The following WDPCP variants were observed in gnomAD, a reference collection of about 807,000 sequenced individuals.
WDPCP encodes WD repeat-containing and planar cell polarity effector protein fritz homolog.
A neutral mutation model predicts 93.1 loss-of-function variants in WDPCP; 71 were observed. The observed-to-expected ratio is 0.76, with a 90% CI of 0.63 to 0.93. The LOEUF (loss-of-function observed/expected upper bound fraction) is 0.93. WDPCP is among the 40% of genes least tolerant of loss of function. The pLI is 0.00. For missense variants in WDPCP, 844 were observed against 887.4 expected (o/e 0.95, Z 0.62); for synonymous variants, 315 against 315.0 (o/e 1.00, Z 0.00).
intron 2 of WDPCP, among the ~76,000 whole-genome samples, chr2:63,776,166 A>C (rs1187621084): frequency 6.6e-6 from 1 of 152,110 alleles, no homozygotes; most frequent in Admixed American, 6.6e-5. Flanking sequence ...ATCTCAAAAA[A>C]AAAAAAGAAC....
intron 1 of WDPCP, among the ~76,000 whole-genome samples, chr2:63,823,200 A>C (rs1026270963): frequency 1.9e-4 from 17 of 88,414 alleles, no homozygotes; most frequent in Admixed American, 3.3e-4. Context: ...AGTTTCACCC[A>C]AAAAAAAAAA....
intron 13 of WDPCP, among the ~76,000 whole-genome samples, chr2:63,302,930 T>C (rs1456666496): frequency 1.3e-5 from 2 of 152,224 alleles, no homozygotes; most frequent in East Asian, 3.9e-4. Flanking sequence ...TTTTAGTCTC[T>C]GCCATTTTAC....
intron 3 of WDPCP, among the ~76,000 whole-genome samples, chr2:63,634,171 C>CT (rs1370965160): frequency 6.6e-6 from 1 of 152,060 alleles, no homozygotes; most frequent in African/African-American, 2.4e-5. Context: ...CTCACTTCAA[C>CT]TTTAAGAAAA....
chr2:63,317,990 A>G (rs1356829709), intron 12 of WDPCP, among the ~76,000 whole-genome samples: 1 of 152,182 alleles, frequency 6.6e-6, no homozygotes, highest in East Asian at 1.9e-4. Context: ...GAACCTACAG[A>G]ATGGGAGAAA....
chr2:63,384,698 G>A (rs940012415), intron 10 of WDPCP, among the ~76,000 whole-genome samples: 2 of 151,420 alleles, frequency 1.3e-5, no homozygotes, highest in Admixed American at 1.3e-4. Context: ...TCCAACCTGG[G>A]CAAGACAGCA....
At chr2:63,775,984 A>G (rs1224191368) in intron 2 of WDPCP, among the ~76,000 whole-genome samples, 1 of 152,128 alleles carries the variant, frequency 6.6e-6, no homozygotes, top group Non-Finnish European at 1.5e-5. Flanking sequence ...GAACTGCTTG[A>G]GCCCAAGAGT....
Position 63,451,998 on chromosome 2 carries a change from A to G in WDPCP, c.385-12127T>C, listed in dbSNP as rs189710748. Among the ~76,000 whole-genome samples, 166 of 152,346 alleles carry G rather than the reference A, an allele frequency of 1.1e-3. No individual in the cohort carries two copies. The South Asian group carries it at 0.011, about 10-fold the overall frequency. ...ACAGCCAATATCATACTGAATGGGC[A>G]AAAACGGGAAGCACTCCCTTTGAAA... On this transcript the variant is annotated intron_variant, in intron 6 of 17. Coordinates refer to ENST00000272321, the MANE Select transcript of WDPCP (RefSeq NM_015910.7).
At chr2:63,235,277 AC>A (rs1307580642) in intron 14 of WDPCP, among the ~76,000 whole-genome samples, 1 of 152,092 alleles carries the variant, frequency 6.6e-6, no homozygotes, top group Admixed American at 6.6e-5. Flanking sequence ...ACACACAACC[AC>A]CCAAGATTGA....
intron 1 of WDPCP, among the ~76,000 whole-genome samples, chr2:63,578,090 TA>T (rs10707327): frequency 2.0e-5 from 3 of 152,180 alleles, no homozygotes; most frequent in African/African-American, 4.8e-5. Flanking sequence ...ACAGAAAAGT[TA>T]AAAAAATACA....
At chr2:63,800,787 T>A (rs1670683075) in intron 2 of WDPCP, among the ~76,000 whole-genome samples, 1 of 152,194 alleles carries the variant, frequency 6.6e-6, no homozygotes, top group East Asian at 1.9e-4. Flanking sequence ...GCATCATGGC[T>A]CACGCCTGTA....
intron 2 of WDPCP, among the ~76,000 whole-genome samples, chr2:63,770,238 C>T (rs916472942): frequency 1.2e-4 from 18 of 151,906 alleles, no homozygotes; most frequent in African/African-American, 4.3e-4. Flanking sequence ...TGAACGTGTC[C>T]AATCTCATCT....
intron 2 of WDPCP, among the ~76,000 whole-genome samples, chr2:63,679,440 C>A (rs1403290412): frequency 6.6e-6 from 1 of 152,122 alleles, no homozygotes; most frequent in Non-Finnish European, 1.5e-5. Flanking sequence ...GTACTCTATG[C>A]TGACAGTGGA....
intron 12 of WDPCP, among the ~76,000 whole-genome samples, chr2:63,320,140 A>C (rs926018504): frequency 1.3e-5 from 2 of 152,178 alleles, no homozygotes; most frequent in Non-Finnish European, 2.9e-5. Context: ...AATTTAAAAA[A>C]ACAATAGCAG....
chr2:63,671,472 G>T (rs1558880462), intron 2 of WDPCP, among the ~76,000 whole-genome samples: 1 of 152,116 alleles, frequency 6.6e-6, no homozygotes. Context: ...CGTCAGACTT[G>T]CTTTATTAGC....
chr2:63,549,834 C>G (rs567867514), intron 1 of WDPCP, among the ~76,000 whole-genome samples: 2 of 152,132 alleles, frequency 1.3e-5, no homozygotes, highest in African/African-American at 4.8e-5. Flanking sequence ...GACATAAGAA[C>G]ACACCCACAT....
intron 1 of WDPCP, among the ~76,000 whole-genome samples, chr2:63,578,948 C>G (rs1317373495): frequency 6.6e-6 from 1 of 152,118 alleles, no homozygotes; most frequent in Non-Finnish European, 1.5e-5. Context: ...GTTTGGCTTT[C>G]CCTGGGTTCC....
At position 63,736,587 on chromosome 2, in the gene WDPCP, A is replaced by G. The variant is rs536469205; in HGVS notation, n.308+77035T>C. Among the ~76,000 whole-genome samples the G allele has an allele frequency of 1.1e-4, 16 of 152,202 alleles. 1 individual carries two copies. Among genetic ancestry groups the G allele is most frequent in the Non-Finnish European group, 1.5e-4 (10 of 68,042 alleles). ...GGAAGTAACTGAAAATCTGCAGCCT[A>G]TAGGCATTGCAGAAATGAAGGAAAA... On this transcript the variant is annotated intron_variant and non_coding_transcript_variant, in intron 2 of 4. Transcript: ENST00000467687.
chr2:63,570,770 G>C (rs1707430393), intron 1 of WDPCP, among the ~76,000 whole-genome samples: 1 of 152,164 alleles, frequency 6.6e-6, no homozygotes, highest in Non-Finnish European at 1.5e-5. Flanking sequence ...CCATATGCTA[G>C]TCATGAAGTT....
At position 63,246,215 on chromosome 2, in the gene WDPCP, C is replaced by T. The variant is rs562511156; in HGVS notation, c.1915+13092G>A. Reference sequence around the variant, plus strand: ...AAAAGTTTGCATCCTTGCTATTTTCCAGGAGTGAATTTCTCACCAGTCCAT... The same window carrying T: ...AAAAGTTTGCATCCTTGCTATTTTCTAGGAGTGAATTTCTCACCAGTCCAT... On this transcript the variant is annotated intron_variant, in intron 14 of 17. Coordinates refer to ENST00000272321, the MANE Select transcript of WDPCP (RefSeq NM_015910.7). 3.3e-5 allele frequency among the ~76,000 whole-genome samples: 5 copies of T among 152,188 alleles called. No homozygotes were observed. In the East Asian group the frequency reaches 9.7e-4, roughly 29 times the overall value.
Sources: allele counts gnomAD v4.1 joint callset (sites outside exome capture counted in the v4.1 genomes callset), GRCh38; gene constraint gnomAD v4.1.1; transcripts MANE v1.5; gene names NCBI Gene and HGNC (gene_info 2026-07-23, HGNC 2026-07-21).